Variants in ANKFN1 observed in about 807,000 individuals in gnomAD.
ANKFN1 encodes the protein ankyrin repeat and fibronectin type-III domain-containing protein 1.
Under a neutral mutation model 108.7 loss-of-function variants are expected in ANKFN1, and 74 were observed. The observed-to-expected ratio is 0.68, with a 90% CI of 0.56 to 0.83. The LOEUF is 0.83. Among genes scored for constraint, ANKFN1 ranks in the 40% least tolerant of loss-of-function variants. The pLI, the probability that ANKFN1 is intolerant of heterozygous loss-of-function variation, is 0.00. For synonymous variants in ANKFN1, 547 were observed against 516.2 expected (o/e 1.06, Z -0.81); for missense variants, 1,505 against 1,382.3 (o/e 1.09, Z -1.41).
intron 3 of ANKFN1, among the ~76,000 whole-genome samples, chr17:56,273,872 A>C (rs1154928): frequency 0.25 from 37,586 of 152,082 alleles, 5,622 homozygotes; most frequent in African/African-American, 0.42. Context: ...AATGAAAAAG[A>C]CTGGGATAAG....
intron 10 of ANKFN1, among the ~76,000 whole-genome samples, chr17:56,446,023 A>C (rs1362596602): frequency 6.6e-6 from 1 of 152,158 alleles, no homozygotes; most frequent in Non-Finnish European, 1.5e-5. Flanking sequence ...AAAGTCTCCT[A>C]TTTTATGTAG....
chr17:56,183,137 C>G (rs1911849471), intron 1 of ANKFN1, among the ~76,000 whole-genome samples: 1 of 152,168 alleles, frequency 6.6e-6, no homozygotes, highest in Non-Finnish European at 1.5e-5. Flanking sequence ...TGCCTGCTAA[C>G]ACAGCATCCA....
intron 2 of ANKFN1, among the ~76,000 whole-genome samples, chr17:56,227,076 T>C (rs1916336311): frequency 2.0e-5 from 3 of 152,112 alleles, no homozygotes; most frequent in African/African-American, 7.2e-5. Flanking sequence ...ACACCATGAT[T>C]TGAGTGCTTA....
At chr17:56,151,996 T>A (rs968162217), upstream of ANKFN1, among the ~76,000 whole-genome samples, 3 of 152,168 alleles carry the variant, frequency 2.0e-5, no homozygotes, top group African/African-American at 7.2e-5. Flanking sequence ...AAAGAGTTTT[T>A]TTTAAAGAAA....
chr17:56,352,156 G>A (rs1051329038), intron 5 of ANKFN1, among the ~76,000 whole-genome samples: 1 of 152,154 alleles, frequency 6.6e-6, no homozygotes, highest in African/African-American at 2.4e-5. Context: ...AGCAGATTGT[G>A]GATAAAACAC....
chr17:56,361,955 CAT>C (rs1339511180), intron 6 of ANKFN1, among the ~76,000 whole-genome samples: 2 of 152,096 alleles, frequency 1.3e-5, no homozygotes, highest in Admixed American at 6.6e-5. Flanking sequence ...TCAGAAGTGA[CAT>C]AGTGTCATTT....
chr17:56,488,741 A>G (rs1203620191), intron 18 of ANKFN1, among the ~76,000 whole-genome samples: 1 of 152,244 alleles, frequency 6.6e-6, no homozygotes, highest in East Asian at 1.9e-4. Context: ...CCAGGAGGTT[A>G]TCTTGTTGAT....
At chr17:56,187,041 T>C (rs928782030) in intron 1 of ANKFN1, among the ~76,000 whole-genome samples, 2 of 152,098 alleles carry the variant, frequency 1.3e-5, no homozygotes. Flanking sequence ...ACTTCATGTC[T>C]AAAACACCAA....
At chr17:56,194,173 G>A (rs1369236677) in intron 1 of ANKFN1, among the ~76,000 whole-genome samples, 1 of 152,206 alleles carries the variant, frequency 6.6e-6, no homozygotes, top group Non-Finnish European at 1.5e-5. Context: ...ATTGCTGACA[G>A]CAATGCAAGC....
At chr17:56,098,404 A>G (rs952958331) in intron 4 of ANKFN1, among the ~76,000 whole-genome samples, 4 of 147,304 alleles carry the variant, frequency 2.7e-5, no homozygotes, top group Non-Finnish European at 5.9e-5. Flanking sequence ...CCCCTGCTAC[A>G]CACATACACA....
intron 3 of ANKFN1, among the ~76,000 whole-genome samples, chr17:56,287,343 G>A (rs2044246321): frequency 3.3e-5 from 5 of 152,158 alleles, no homozygotes; most frequent in Admixed American, 3.3e-4. Flanking sequence ...CAGCATCATG[G>A]CTTTGGACAA....
intron 1 of ANKFN1, among the ~76,000 whole-genome samples, chr17:56,209,225 C>T (rs1914777766): frequency 6.6e-6 from 1 of 152,142 alleles, no homozygotes; most frequent in Non-Finnish European, 1.5e-5. Context: ...TTCTTCCTTA[C>T]CTCTCTGAGC....
intron 20 of ANKFN1, among the ~76,000 whole-genome samples, chr17:56,503,603 GC>G (rs2051454996): frequency 6.8e-6 from 1 of 147,228 alleles, no homozygotes; most frequent in South Asian, 2.2e-4. Context: ...TTTCTGTTCT[GC>G]CATGCCCCCT....
intron 3 of ANKFN1, among the ~76,000 whole-genome samples, chr17:56,233,695 G>T (rs1487922610): frequency 6.6e-6 from 1 of 151,836 alleles, no homozygotes; most frequent in African/African-American, 2.4e-5. Flanking sequence ...CATGTGAAAA[G>T]ATGTGTATGT....
chr17:56,146,859 C>G (rs1258784356), intron 4 of ANKFN1, among the ~76,000 whole-genome samples: 2 of 152,224 alleles, frequency 1.3e-5, no homozygotes, highest in Non-Finnish European at 2.9e-5. Flanking sequence ...CAAATTTCTA[C>G]AACCAGCTTG....
intron 16 of ANKFN1, among the ~76,000 whole-genome samples, chr17:56,477,888 C>T (rs565841949): frequency 3.9e-5 from 6 of 151,976 alleles, no homozygotes; most frequent in Non-Finnish European, 7.4e-5. Flanking sequence ...AGTACAATGG[C>T]GCAATATCAG....
At chr17:56,118,133 T>C (rs1487349527) in intron 4 of ANKFN1, among the ~76,000 whole-genome samples, 1 of 152,140 alleles carries the variant, frequency 6.6e-6, no homozygotes, top group East Asian at 1.9e-4. Context: ...ATTCATCAGT[T>C]GATGGACATT....
chr17:56,286,184 G>A (rs771277099), intron 3 of ANKFN1, among the ~76,000 whole-genome samples: 5 of 152,016 alleles, frequency 3.3e-5, no homozygotes, highest in Admixed American at 1.3e-4. Flanking sequence ...CAAACATTAC[G>A]AATGGAAAGC....
At chr17:56,261,324 G>T (rs1020547464) in intron 3 of ANKFN1, among the ~76,000 whole-genome samples, 2 of 152,226 alleles carry the variant, frequency 1.3e-5, no homozygotes, top group African/African-American at 4.8e-5. Context: ...TGAGTTAACA[G>T]AAAGAAAATA....
Sources: gnomAD v4.1 joint callset for allele counts (sites outside exome capture counted in the v4.1 genomes callset) on GRCh38, gnomAD v4.1.1 for gene constraint, MANE v1.5 for transcripts, NCBI Gene and HGNC (gene_info 2026-07-23, HGNC 2026-07-21) for gene names.